GPC6: variants seen among roughly 807,000 people sequenced by gnomAD.
The protein encoded by GPC6 is glypican 6, also known as glypican-6.
A neutral mutation model predicts 55.2 loss-of-function variants in GPC6; 14 were observed. That is an observed-to-expected ratio of 0.25 (90% CI 0.17 to 0.40). The LOEUF (loss-of-function observed/expected upper bound fraction) is 0.40. Among genes scored for constraint, GPC6 ranks in the 10% least tolerant of loss-of-function variants. The pLI, the probability that GPC6 is intolerant of heterozygous loss-of-function variation, is 1.00. For synonymous variants in GPC6, 278 were observed against 259.6 expected (o/e 1.07, Z -0.68); for missense variants, 641 against 708.5 (o/e 0.90, Z 1.08).
intron 3 of GPC6, among the ~76,000 whole-genome samples, chr13:93,948,189 T>C (rs1055530052): frequency 6.6e-6 from 1 of 152,198 alleles, no homozygotes; most frequent in African/African-American, 2.4e-5. Flanking sequence ...AAATAAAAAT[T>C]TTAACTGTCA....
At chr13:94,159,693 A>G (rs1888085932) in intron 4 of GPC6, among the ~76,000 whole-genome samples, 1 of 152,208 alleles carries the variant, frequency 6.6e-6, no homozygotes, top group Non-Finnish European at 1.5e-5. Flanking sequence ...TTGAAGCTCC[A>G]TTATGGAAGC....
At chr13:93,731,576 T>A (rs1311588756) in intron 2 of GPC6, among the ~76,000 whole-genome samples, 1 of 152,226 alleles carries the variant, frequency 6.6e-6, no homozygotes, top group Non-Finnish European at 1.5e-5. Context: ...AAATGTATTG[T>A]ATATACTAAG....
intron 4 of GPC6, among the ~76,000 whole-genome samples, chr13:94,065,301 A>G (rs960707110): frequency 6.6e-6 from 1 of 152,174 alleles, no homozygotes; most frequent in Non-Finnish European, 1.5e-5. Context: ...TCAAAGGGCA[A>G]TGGAGTTAAA....
intron 4 of GPC6, among the ~76,000 whole-genome samples, chr13:94,201,264 G>C (rs1889738244): frequency 1.3e-5 from 2 of 152,162 alleles, no homozygotes; most frequent in Non-Finnish European, 2.9e-5. Context: ...GGCTGATTAT[G>C]ATGCAGGTGA....
chr13:94,266,151 CTT>C (rs111623457), intron 4 of GPC6, among the ~76,000 whole-genome samples: 33 of 142,840 alleles, frequency 2.3e-4, no homozygotes, highest in South Asian at 1.5e-3. Context: ...CTTTTCTTTT[CTT>C]TTTTTTTTTT....
intron 2 of GPC6, among the ~76,000 whole-genome samples, chr13:93,552,079 A>G (rs2139443231): frequency 6.6e-6 from 1 of 152,310 alleles, no homozygotes; most frequent in East Asian, 1.9e-4. Context: ...CTAGGAAGTA[A>G]TTAGCTGAAT....
At chr13:94,215,778 CTT>C (rs1301159607) in intron 4 of GPC6, among the ~76,000 whole-genome samples, 3 of 152,068 alleles carry the variant, frequency 2.0e-5, no homozygotes, top group Non-Finnish European at 4.4e-5. Context: ...CAAATAGACA[CTT>C]ATTTTTATAT....
chr13:94,383,137 A>AT (rs902595816), intron 7 of GPC6, among the ~76,000 whole-genome samples: 4 of 152,222 alleles, frequency 2.6e-5, no homozygotes, highest in Admixed American at 6.5e-5. Flanking sequence ...TGGGGACTTG[A>AT]TATGGAATTT....
At chr13:93,336,845 T>C (rs1158552036) in intron 1 of GPC6, among the ~76,000 whole-genome samples, 1 of 152,110 alleles carries the variant, frequency 6.6e-6, no homozygotes, top group Admixed American at 6.6e-5. Flanking sequence ...ATGGGCTGTA[T>C]GAAACAATTT....
At chr13:93,943,451 A>G (rs961518471) in intron 3 of GPC6, among the ~76,000 whole-genome samples, 1 of 152,122 alleles carries the variant, frequency 6.6e-6, no homozygotes, top group Non-Finnish European at 1.5e-5. Flanking sequence ...GCTTAACTTT[A>G]TTAAGTGGAA....
At chr13:94,172,313 A>C (rs1393120307) in intron 4 of GPC6, among the ~76,000 whole-genome samples, 1 of 152,208 alleles carries the variant, frequency 6.6e-6, no homozygotes, top group Non-Finnish European at 1.5e-5. Context: ...GATTATCTCA[A>C]TAGTACATAT....
intron 3 of GPC6, among the ~76,000 whole-genome samples, chr13:93,921,225 G>A (rs1877552700): frequency 6.6e-6 from 1 of 152,192 alleles, no homozygotes; most frequent in African/African-American, 2.4e-5. Flanking sequence ...AGACAGACAG[G>A]TGCGGGAGTC....
intron 1 of GPC6, among the ~76,000 whole-genome samples, chr13:93,297,626 AC>A (rs1250379521): frequency 6.6e-6 from 1 of 152,040 alleles, no homozygotes; most frequent in Non-Finnish European, 1.5e-5. Flanking sequence ...CTTTAACAGA[AC>A]AAAAAGTAAA....
Position 94,271,325 on chromosome 13 carries a change from C to T in GPC6, c.878-15024C>T, listed in dbSNP as rs116884699. 7.8e-3 allele frequency among the ~76,000 whole-genome samples: 1,179 copies of T among 150,864 alleles called. 19 individuals are homozygous for T. The highest frequency in any genetic ancestry group is 0.014 in the Middle Eastern group (4 of 294). On this transcript the variant is annotated intron_variant, in intron 4 of 8. Transcript: ENST00000377047. ...TATAATTTTAATTCCCTGGAGCAGA[C>T]GGTGATTCCCTTGCCTCACACTTGT...
chr13:93,916,692 C>A (rs1877311554), intron 3 of GPC6, among the ~76,000 whole-genome samples: 1 of 151,792 alleles, frequency 6.6e-6, no homozygotes, highest in Non-Finnish European at 1.5e-5. Context: ...CTGTGAAATG[C>A]ACTTTAAGTT....
chr13:94,213,172 A>T (rs573907189), intron 4 of GPC6, among the ~76,000 whole-genome samples: 32 of 152,074 alleles, frequency 2.1e-4, no homozygotes, highest in Non-Finnish European at 4.1e-4. Flanking sequence ...CAAACAAACA[A>T]ACAAACAAAA....
In GPC6 at chr13:93,721,668, A is replaced by C. The variant is rs567727447; in HGVS notation, c.320-108486A>C. ...CACCTGTTTACTTTTCTAAGAGCAA[A>C]AATATTATTAAATGTGGTTTTGATT... On this transcript the variant is annotated intron_variant, in intron 2 of 8. Coordinates refer to ENST00000377047, the MANE Select transcript of GPC6 (RefSeq NM_005708.5). 4.6e-5 allele frequency among the ~76,000 whole-genome samples: 7 copies of C among 151,870 alleles called. No individual in the cohort carries two copies. The South Asian group carries it at 1.5e-3, about 31-fold the overall frequency.
At chr13:94,089,786 G>A (rs186431943) in intron 4 of GPC6, among the ~76,000 whole-genome samples, 7 of 152,018 alleles carry the variant, frequency 4.6e-5, no homozygotes, top group East Asian at 1.9e-4. Flanking sequence ...AATCTACGCC[G>A]GTGCATGTCC....
chr13:93,326,390 T>C (rs1879654033), intron 1 of GPC6, among the ~76,000 whole-genome samples: 1 of 152,100 alleles, frequency 6.6e-6, no homozygotes, highest in African/African-American at 2.4e-5. Flanking sequence ...CTTTAAGCAG[T>C]AGAAGTGTAG....
Sources: gnomAD v4.1 joint callset for allele counts (sites outside exome capture counted in the v4.1 genomes callset) on GRCh38, gnomAD v4.1.1 for gene constraint, MANE v1.5 for transcripts, NCBI Gene and HGNC (gene_info 2026-07-23, HGNC 2026-07-21) for gene names.